PRKCE: variants seen among roughly 807,000 people sequenced by gnomAD.
PRKCE encodes the protein protein kinase C epsilon type.
Under a neutral mutation model 85.4 loss-of-function variants are expected in PRKCE, and 16 were observed. The observed-to-expected ratio is 0.19, with a 90% CI of 0.13 to 0.28. PRKCE has a LOEUF of 0.28. PRKCE is among the 10% of genes least tolerant of loss of function. The pLI, the probability that PRKCE is intolerant of heterozygous loss-of-function variation, is 1.00. For missense variants in PRKCE, 573 were observed against 975.2 expected (o/e 0.59, Z 5.49); for synonymous variants, 388 against 371.5 (o/e 1.04, Z -0.51).
intron 11 of PRKCE, among the ~76,000 whole-genome samples, chr2:46,121,409 TGA>T (rs1182173112): frequency 7.9e-5 from 12 of 152,196 alleles, no homozygotes; most frequent in African/African-American, 2.7e-4. Context: ...CCCTGCACAC[TGA>T]GAGATGTCCC....
intron 10 of PRKCE, among the ~76,000 whole-genome samples, chr2:46,023,118 T>C (rs1032141515): frequency 9.9e-6 from 1 of 100,552 alleles, no homozygotes; most frequent in Admixed American, 8.9e-5. Context: ...AAATCATCTA[T>C]ATAGATAGAT....
At chr2:45,900,965 G>A (rs568162898) in intron 2 of PRKCE, among the ~76,000 whole-genome samples, 2 of 152,288 alleles carry the variant, frequency 1.3e-5, no homozygotes, top group South Asian at 4.1e-4. Flanking sequence ...GTACTGTAAG[G>A]ACTTTGGGAA....
rs565280374 is a variant in PRKCE, at chr2:46,061,104, CTTTT to C, written c.1438-25085_1438-25082del. 6.8e-4 allele frequency among the ~76,000 whole-genome samples: 70 copies of C among 103,470 alleles called. 1 individual carries two copies. Among genetic ancestry groups the C allele is most frequent in the African/African-American group, 1.1e-3 (27 of 25,094 alleles). 67.9% of individuals were successfully genotyped at this position (103,470 alleles called of 152,430 possible). A position where few individuals can be genotyped will look rare whatever the true frequency, so the allele number is the denominator to read the frequency against. ...TGATTTTCTTTTCTTCTTTTTTTTC[CTTTT>C]TTTTTTTTTTTTTTTTTTGAGACAG... On this transcript the variant is annotated intron_variant, in intron 10 of 14. Transcript: ENST00000306156.
intron 10 of PRKCE, among the ~76,000 whole-genome samples, chr2:46,076,671 C>T (rs1223747702): frequency 1.3e-5 from 2 of 151,962 alleles, no homozygotes; most frequent in Non-Finnish European, 2.9e-5. Context: ...ACCATTTGGC[C>T]AACTGTGATT....
chr2:45,698,814 A>C (rs932960637), intron 1 of PRKCE, among the ~76,000 whole-genome samples: 1 of 152,166 alleles, frequency 6.6e-6, no homozygotes, highest in African/African-American at 2.4e-5. Context: ...TGGATTTCCT[A>C]GGGCTTGGTG....
At position 46,138,053 on chromosome 2, in the gene PRKCE, T is replaced by C. The variant is rs1316981710; in HGVS notation, c.1593-7040T>C. 6.6e-6 allele frequency among the ~76,000 whole-genome samples: 1 copy of C among 152,254 alleles called. No homozygotes were observed. The highest frequency in any genetic ancestry group is 1.9e-4 in the East Asian group (1 of 5,206). On this transcript the variant is annotated intron_variant, in intron 11 of 14. Coordinates refer to ENST00000306156, the MANE Select transcript of PRKCE (RefSeq NM_005400.3). This position sits in a 1 kb window ranked among gnomAD's most constrained non-coding sequence, Gnocchi z 4.2. ...CTGAGACTATTACTGCTAGGACTTA[T>C]TTCTTTCCTGCTCAGATAGGTTTTA... is the stretch of plus-strand genomic sequence containing the variant.
In PRKCE at chr2:46,091,105, G is replaced by A. The variant is rs144990614; in HGVS notation, c.1592+4743G>A. On this transcript the variant is annotated intron_variant, in intron 11 of 14. Transcript: ENST00000306156. Reference sequence around the variant, plus strand: ...CTTTTCCCCCTAGACAGCAGAGGGTGCTGTCTCTGTGTCCCCTGCTGGACA... The same window carrying A: ...CTTTTCCCCCTAGACAGCAGAGGGTACTGTCTCTGTGTCCCCTGCTGGACA... Among the ~76,000 whole-genome samples the A allele has an allele frequency of 1.1e-3, 163 of 152,176 alleles. No homozygotes were observed. The East Asian group carries it at 0.025, about 23-fold the overall frequency.
intron 10 of PRKCE, among the ~76,000 whole-genome samples, chr2:46,085,322 A>C (rs61758301): frequency 6.6e-6 from 1 of 152,054 alleles, no homozygotes; most frequent in Admixed American, 6.5e-5. Context: ...CTCACAGTGC[A>C]TGGGGGTTCA....
At chr2:45,737,939 A>C (rs957621836) in intron 1 of PRKCE, among the ~76,000 whole-genome samples, 3 of 152,020 alleles carry the variant, frequency 2.0e-5, no homozygotes, top group African/African-American at 7.3e-5. Flanking sequence ...CAGCACCTCC[A>C]TTCTTCCATC....
At chr2:46,118,746 C>T (rs1307705478) in intron 11 of PRKCE, among the ~76,000 whole-genome samples, 1 of 152,158 alleles carries the variant, frequency 6.6e-6, no homozygotes, top group Non-Finnish European at 1.5e-5. Context: ...GAAGATAAAG[C>T]ATAAGAATGA....
At chr2:45,853,422 A>G (rs920751861) in intron 2 of PRKCE, among the ~76,000 whole-genome samples, 1 of 152,218 alleles carries the variant, frequency 6.6e-6, no homozygotes, top group Non-Finnish European at 1.5e-5. Flanking sequence ...TTGTTTTTCT[A>G]TAAATATCCT....
Position 45,652,242 on chromosome 2 carries a change from G to C in PRKCE, c.142G>C (p.Asp48His). ...LDPYIALNVD[D>H]SRIGQTATKQ... is the part of the protein sequence containing the mutation. ...CCCCTACATTGCCCTCAATGTGGAC[G>C]ACTCGCGCATCGGCCAAACGGCCAC... The change falls in exon 1 of 15, where the codon GAC becomes CAC. Residue 48 changes from aspartate (D) to histidine (H), a missense_variant. Coordinates refer to ENST00000306156, the MANE Select transcript of PRKCE (RefSeq NM_005400.3). The surrounding 1 kb of genome is among the most constrained non-coding windows in gnomAD (Gnocchi z 7.7). 2 of 1,613,342 alleles carry C rather than the reference G, an allele frequency of 1.2e-6. No individual in the cohort carries two copies. Among genetic ancestry groups the C allele is most frequent in the Non-Finnish European group, 1.7e-6 (2 of 1,180,000 alleles).
At chr2:45,855,361 C>A (rs949035581) in intron 2 of PRKCE, among the ~76,000 whole-genome samples, 2 of 152,156 alleles carry the variant, frequency 1.3e-5, no homozygotes, top group Non-Finnish European at 2.9e-5. Context: ...AAAAATCTTA[C>A]AAATTTAGGC....
At chr2:46,034,234 C>G (rs771553839) in intron 10 of PRKCE, among the ~76,000 whole-genome samples, 11 of 152,190 alleles carry the variant, frequency 7.2e-5, no homozygotes, top group Non-Finnish European at 1.5e-4. Flanking sequence ...TTTCCAAGCA[C>G]TCACTTCCAT....
chr2:46,014,552 T>C (rs1035925719), intron 10 of PRKCE, among the ~76,000 whole-genome samples: 5 of 152,214 alleles, frequency 3.3e-5, no homozygotes, highest in Non-Finnish European at 7.3e-5. Context: ...TAATATTTTC[T>C]TGCATATGAG....
intron 10 of PRKCE, among the ~76,000 whole-genome samples, chr2:46,029,246 A>G (rs1707345262): frequency 6.6e-6 from 1 of 152,214 alleles, no homozygotes; most frequent in Non-Finnish European, 1.5e-5. Context: ...CTCCAACGTC[A>G]CATAGTTAAG....
intron 2 of PRKCE, among the ~76,000 whole-genome samples, chr2:45,877,123 T>C (rs375437597): frequency 6.6e-6 from 1 of 152,334 alleles, no homozygotes; most frequent in Admixed American, 6.5e-5. Context: ...TATAGGATTC[T>C]AAGTAGGGAG....
rs1162471674 is a variant in PRKCE at position 45,686,718 on chromosome 2, T to C, written c.348+34270T>C. ...TATGGTTTAAATATACTGAATATAG[T>C]TTAATATATTTAAACTATATTTAAG... On this transcript the variant is annotated intron_variant, in intron 1 of 14. Transcript: ENST00000306156. Among the ~76,000 whole-genome samples, 3 of 152,188 alleles carry C rather than the reference T, an allele frequency of 2.0e-5. No homozygotes were observed. In the East Asian group the frequency reaches 5.8e-4, roughly 29 times the overall value.
chr2:45,708,520 T>C (rs1015918292), intron 1 of PRKCE, among the ~76,000 whole-genome samples: 3 of 152,236 alleles, frequency 2.0e-5, no homozygotes, highest in African/African-American at 7.2e-5. Context: ...AAGCTCTCTC[T>C]CTTTGACTGC....
Sources: allele counts gnomAD v4.1 joint callset (sites outside exome capture counted in the v4.1 genomes callset), GRCh38; gene constraint gnomAD v4.1.1; non-coding constraint Gnocchi (gnomAD v3.1); transcripts MANE v1.5; gene names NCBI Gene and HGNC (gene_info 2026-07-23, HGNC 2026-07-21).